HIBCH: variants seen among roughly 807,000 people sequenced by gnomAD.
HIBCH encodes the protein 3-hydroxyisobutyryl-CoA hydrolase.
A neutral mutation model predicts 58.2 loss-of-function variants in HIBCH; 50 were observed. The ratio of observed to expected loss-of-function variants is 0.86; its 90% CI spans 0.68 to 1.09. HIBCH has a LOEUF of 1.09. Among genes scored for constraint, HIBCH ranks in the 50% least tolerant of loss-of-function variants. The pLI is 0.00. For missense variants in HIBCH, 450 were observed against 449.7 expected, an observed-to-expected ratio of 1.00 and a Z score of -0.01; for synonymous variants, 151 against 146.9, an observed-to-expected ratio of 1.03 and a Z score of -0.20.
rs28625711 is a variant in HIBCH at position 190,300,984 on chromosome 2, G to A, written c.79-4031C>T. ...TGTCTGTCTGAATGGCTGTAAGTTA[G>A]TCAAAAGAGAAATCTACACGAATGT... On this transcript the variant is annotated intron_variant, in intron 2 of 13. Coordinates refer to ENST00000359678, the MANE Select transcript of HIBCH (RefSeq NM_014362.4). 5.9e-3 allele frequency among the ~76,000 whole-genome samples: 891 copies of A among 152,274 alleles called. 11 individuals are homozygous for A. Among genetic ancestry groups the A allele is most frequent in the African/African-American group, 0.021 (857 of 41,540 alleles).
At chr2:190,289,208 A>G (rs1259257258) in intron 5 of HIBCH, among the ~76,000 whole-genome samples, 1 of 152,038 alleles carries the variant, frequency 6.6e-6, no homozygotes, top group Non-Finnish European at 1.5e-5. Flanking sequence ...TTTTTTCATC[A>G]CTTAGTAATT....
At position 190,214,425 on chromosome 2, in the gene HIBCH, A is replaced by T. The variant is rs1003385678; in HGVS notation, c.892-1350T>A. The T allele has an allele frequency of 6.6e-6, 1 of 152,230 alleles. No homozygotes were observed. The highest frequency in any genetic ancestry group is 1.5e-5 in the Non-Finnish European group (1 of 68,068). The allele number at this position is 152,230 out of a possible 1,614,324, so 9.4% of individuals were successfully genotyped here. A position where few individuals can be genotyped will look rare whatever the true frequency, so the allele number is the denominator to read the frequency against. On this transcript the variant is annotated intron_variant, in intron 11 of 13. Transcript: ENST00000359678. The surrounding 1 kb of genome is among the most constrained non-coding windows in gnomAD (Gnocchi z 5.5). ...GCGAACTAAAAAGACCCCCTCTGAC[A>T]TTCTCCCAGATAGTCCCTTGGGGAG...
At chr2:190,261,371 G>A in intron 6 of HIBCH, 137 bp from the exon 7 acceptor site, 1 of 668,300 alleles carries the variant, frequency 1.5e-6, no homozygotes, top group Non-Finnish European at 2.7e-6. Context: ...CAGGGAATAG[G>A]TTGTCCCCAC....
rs1294659232 is a variant in HIBCH, at chr2:190,236,346, C to T, written c.891+8541G>A. On this transcript the variant is annotated intron_variant, in intron 11 of 13. Coordinates refer to ENST00000359678, the MANE Select transcript of HIBCH (RefSeq NM_014362.4). The surrounding 1 kb of genome is among the most constrained non-coding windows in gnomAD (Gnocchi z 4.1). The stretch of plus-strand genomic sequence containing the variant: ...TTATATTGAAACCAAGTGACAAAAG[C>T]TCTATTATACTCTGTTAGTTTTTAA... 7.3e-6 allele frequency among the ~76,000 whole-genome samples: 1 copy of T among 137,102 alleles called. No homozygotes were observed. Among genetic ancestry groups the T allele is most frequent in the Non-Finnish European group, 1.5e-5 (1 of 64,540 alleles). 89.9% of individuals were successfully genotyped at this position (137,102 alleles called of 152,430 possible). A position where few individuals can be genotyped will look rare whatever the true frequency, so the allele number is the denominator to read the frequency against.
At chr2:190,270,507 G>C (rs891019928) in intron 6 of HIBCH, among the ~76,000 whole-genome samples, 1 of 152,142 alleles carries the variant, frequency 6.6e-6, no homozygotes, top group African/African-American at 2.4e-5. Context: ...TACAGAAAAA[G>C]TCATGGATTT....
intron 7 of HIBCH, among the ~76,000 whole-genome samples, chr2:190,256,878 G>A (rs1386284693): frequency 6.6e-6 from 1 of 152,064 alleles, no homozygotes; most frequent in Non-Finnish European, 1.5e-5. Context: ...AGATCTTGTA[G>A]AAGAGAAGAT....
In HIBCH at chr2:190,216,316, T is replaced by C. The variant is rs947268923; in HGVS notation, c.892-3241A>G. On this transcript the variant is annotated intron_variant, in intron 11 of 13. Coordinates refer to ENST00000359678, the MANE Select transcript of HIBCH (RefSeq NM_014362.4). This position sits in a 1 kb window ranked among gnomAD's most constrained non-coding sequence, Gnocchi z 4.2. ...TCAGGAGCAGTGGGTTGCCTATGGA[T>C]GGCTGTCAGAAGGCGGCAGAAAGGA... Among the ~76,000 whole-genome samples, 2 of 152,114 alleles carry C rather than the reference T, an allele frequency of 1.3e-5. No individual in the cohort carries two copies. Among genetic ancestry groups the C allele is most frequent in the African/African-American group, 2.4e-5 (1 of 41,440 alleles).
chr2:190,201,690 A>G (rs1362160525), downstream of HIBCH: 3 of 166,946 alleles, frequency 1.8e-5, no homozygotes, highest in Non-Finnish European at 4.4e-5. Context: ...GCCTTTGGAC[A>G]CCTCATCATT....
At chr2:190,286,587 A>G (rs1195054234) in intron 6 of HIBCH, among the ~76,000 whole-genome samples, 1 of 152,162 alleles carries the variant, frequency 6.6e-6, no homozygotes, top group African/African-American at 2.4e-5. Flanking sequence ...ATGAAGACCA[A>G]TTCTGACCCC....
At chr2:190,266,479 G>A (rs1458276457) in intron 6 of HIBCH, among the ~76,000 whole-genome samples, 1 of 152,126 alleles carries the variant, frequency 6.6e-6, no homozygotes, top group Non-Finnish European at 1.5e-5. Flanking sequence ...TGTCACCCAG[G>A]CTGAAGTGCA....
chr2:190,248,050 A>T (rs1294765915), intron 9 of HIBCH, among the ~76,000 whole-genome samples: 1 of 152,144 alleles, frequency 6.6e-6, no homozygotes. Context: ...AATTACCTTT[A>T]TAACATCTGT....
intron 6 of HIBCH, among the ~76,000 whole-genome samples, chr2:190,263,816 A>G (rs911883341): frequency 6.6e-6 from 1 of 152,128 alleles, no homozygotes; most frequent in Non-Finnish European, 1.5e-5. Context: ...CCACAATGTA[A>G]TCTATGAACT....
At chr2:190,278,030 T>C (rs1559048941) in intron 6 of HIBCH, among the ~76,000 whole-genome samples, 1 of 152,166 alleles carries the variant, frequency 6.6e-6, no homozygotes, top group Non-Finnish European at 1.5e-5. Context: ...AAAATTCTAC[T>C]AAAAATTCTG....
intron 1 of HIBCH, among the ~76,000 whole-genome samples, chr2:190,195,364 A>G (rs60915441): frequency 0.019 from 2,925 of 152,290 alleles, 84 homozygotes; most frequent in African/African-American, 0.065. Flanking sequence ...TGGATCATAC[A>G]GTAAGAATGT....
At chr2:190,314,371 G>GTA (rs1352354099) in intron 1 of HIBCH, among the ~76,000 whole-genome samples, 1 of 78,426 alleles carries the variant, frequency 1.3e-5, no homozygotes, top group Non-Finnish European at 2.7e-5. Flanking sequence ...ATATATATAC[G>GTA]TATATATGTG....
chr2:190,311,784 G>A (rs1688564780), intron 1 of HIBCH, among the ~76,000 whole-genome samples: 1 of 152,134 alleles, frequency 6.6e-6, no homozygotes, highest in Non-Finnish European at 1.5e-5. Flanking sequence ...ATACTAACAT[G>A]GAAAAGTAGT....
intron 11 of HIBCH, among the ~76,000 whole-genome samples, chr2:190,222,354 T>C (rs1345950132): frequency 1.3e-5 from 2 of 151,676 alleles, no homozygotes; most frequent in Non-Finnish European, 2.9e-5. Context: ...TCAGGGAAAA[T>C]TTCCTGCTTC....
At chr2:190,240,469 T>G (rs7580863) in intron 11 of HIBCH, among the ~76,000 whole-genome samples, 48,226 of 152,000 alleles carry the variant, frequency 0.32, 8,890 homozygotes, top group African/African-American at 0.49. Context: ...TTTTTTGAAG[T>G]GTTTTTTTTC....
intron 7 of HIBCH, among the ~76,000 whole-genome samples, chr2:190,253,210 TA>T (rs1040200842): frequency 6.6e-6 from 1 of 151,928 alleles, no homozygotes; most frequent in Non-Finnish European, 1.5e-5. Flanking sequence ...AATAATAAAA[TA>T]AAGAAAATAG....
Sources: allele counts gnomAD v4.1 joint callset (sites outside exome capture counted in the v4.1 genomes callset), GRCh38; gene constraint gnomAD v4.1.1; non-coding constraint Gnocchi (gnomAD v3.1); transcripts MANE v1.5; gene names NCBI Gene and HGNC (gene_info 2026-07-23, HGNC 2026-07-21).